FBXO34: variants seen among roughly 807,000 people sequenced by gnomAD.
FBXO34 encodes F-box protein 34.
FBXO34 carries 12 observed loss-of-function variants against 24.5 expected under a neutral mutation model. The observed-to-expected ratio is 0.49, with a 90% CI of 0.31 to 0.79. FBXO34 has a LOEUF of 0.79. FBXO34 is among the 30% of genes least tolerant of loss of function. FBXO34 has a pLI of 0.04. For synonymous variants in FBXO34, 320 were observed against 311.9 expected (o/e 1.03, Z -0.27); for missense variants, 823 against 857.7 (o/e 0.96, Z 0.51).
the FBXO34 span, chr14:55,385,995 T>C: frequency 6.2e-7 from 1 of 1,614,206 alleles, no homozygotes; most frequent in Non-Finnish European, 8.5e-7. Context: ...TCACCAAGTT[T>C]GCGATTATGC....
At chr14:55,363,827 C>T (rs1304953733), downstream of FBXO34, among the ~76,000 whole-genome samples, 1 of 151,652 alleles carries the variant, frequency 6.6e-6, no homozygotes, top group East Asian at 1.9e-4. Context: ...TCCAATGTGG[C>T]CCACAGAAGC....
At chr14:55,434,789 C>T in the FBXO34 span, among the ~76,000 whole-genome samples, 2 of 152,162 alleles carry the variant, frequency 1.3e-5, no homozygotes, top group Non-Finnish European at 2.9e-5. Flanking sequence ...ACTAGGGCAA[C>T]AGCAAAAACA....
chr14:55,350,438 G>A lies in FBXO34; in HGVS notation c.48G>A (p.Pro16=), dbSNP rs140058240. Reference sequence around the variant, plus strand: ...AGCTCCAGAAGAAAGAGCACCCCCCGGAAGTCAGCAGGGAAACGCAGAGAA... The same window carrying A: ...AGCTCCAGAAGAAAGAGCACCCCCCAGAAGTCAGCAGGGAAACGCAGAGAA... ...YWKLQKKEHP[P]EVSRETQRTP... The change falls in exon 2 of 2, where the codon CCG becomes CCA. Residue 16 remains proline, a synonymous_variant. Transcript: ENST00000313833. The A allele has an allele frequency of 1.3e-4, 210 of 1,607,542 alleles. No individual in the cohort carries two copies. In the African/African-American group the frequency reaches 2.5e-3, roughly 19 times the overall value.
intron 1 of FBXO34, among the ~76,000 whole-genome samples, chr14:55,319,635 A>T (rs1883057784): frequency 6.6e-6 from 1 of 152,142 alleles, no homozygotes; most frequent in Non-Finnish European, 1.5e-5. Flanking sequence ...GATTGTATGC[A>T]CAGGACCAAC....
chr14:55,414,279 T>C, the FBXO34 span: 206 of 912,062 alleles, frequency 2.3e-4, 1 homozygote, highest in Middle Eastern at 1.6e-3. Context: ...AGTAACGTAC[T>C]TGTAACATCT....
intron 1 of FBXO34, among the ~76,000 whole-genome samples, chr14:55,317,365 A>G (rs1882967786): frequency 6.6e-6 from 1 of 152,204 alleles, no homozygotes; most frequent in Non-Finnish European, 1.5e-5. Flanking sequence ...CTGTGGTCCC[A>G]GCTACTTGAG....
intron 1 of FBXO34, among the ~76,000 whole-genome samples, chr14:55,312,855 G>T (rs2139750591): frequency 6.6e-6 from 1 of 152,352 alleles, no homozygotes; most frequent in South Asian, 2.1e-4. Flanking sequence ...GTGATGGGAT[G>T]GGGCTGCTGT....
chr14:55,343,312 C>T lies in FBXO34; in HGVS notation c.-10-7069C>T, dbSNP rs147980935. ...GTCGCCCAGAACTAGAGTGCAGTGA[C>T]GTGGCCTCAGCTCACTGCAACCTCT... On this transcript the variant is annotated intron_variant, in intron 1 of 1. Transcript: ENST00000313833. 6.7e-4 allele frequency among the ~76,000 whole-genome samples: 99 copies of T among 147,924 alleles called. No individual in the cohort carries two copies. In the East Asian group the frequency reaches 0.015, roughly 22 times the overall value.
intron 1 of FBXO34, among the ~76,000 whole-genome samples, chr14:55,288,243 C>T (rs1386688294): frequency 6.6e-6 from 1 of 151,912 alleles, no homozygotes; most frequent in Non-Finnish European, 1.5e-5. Flanking sequence ...CAAGGTTTTC[C>T]AAAAGGAAAA....
chr14:55,430,133 C>T, the FBXO34 span, among the ~76,000 whole-genome samples: 1 of 152,066 alleles, frequency 6.6e-6, no homozygotes, highest in African/African-American at 2.4e-5. Context: ...AGGTATTTTT[C>T]AACTGTTAGT....
chr14:55,332,195 A>G (rs938731735), intron 1 of FBXO34, among the ~76,000 whole-genome samples: 17 of 151,272 alleles, frequency 1.1e-4, no homozygotes, highest in African/African-American at 1.9e-4. Flanking sequence ...TCTGGCTTTC[A>G]TTTTCATTCA....
rs1038182204 is a variant in FBXO34 at position 55,299,021 on chromosome 14, G to C, written c.-11+27484G>C. The stretch of plus-strand genomic sequence containing the variant: ...AGTTAATGCAGGACATTGCTGACCA[G>C]CAAGAACTTGGGGAGGAGATTTCAA... On this transcript the variant is annotated intron_variant, in intron 1 of 1. Coordinates refer to ENST00000313833, the MANE Select transcript of FBXO34 (RefSeq NM_017943.4). The C allele has an allele frequency of 3.7e-6, 6 of 1,608,306 alleles. No individual in the cohort carries two copies. In the African/African-American group the frequency reaches 6.7e-5, roughly 18 times the overall value.
chr14:55,416,790 G>A, the FBXO34 span, among the ~76,000 whole-genome samples: 2 of 152,178 alleles, frequency 1.3e-5, no homozygotes, highest in South Asian at 4.1e-4. Context: ...AATAGGTACA[G>A]CAAACACACA....
intron 1 of FBXO34, among the ~76,000 whole-genome samples, chr14:55,330,904 C>T (rs1883511474): frequency 6.6e-6 from 1 of 152,180 alleles, no homozygotes; most frequent in African/African-American, 2.4e-5. Context: ...ATAACCTTTT[C>T]TATGGATGGA....
At chr14:55,426,535 G>A in the FBXO34 span, among the ~76,000 whole-genome samples, 1 of 152,124 alleles carries the variant, frequency 6.6e-6, no homozygotes, top group Non-Finnish European at 1.5e-5. Context: ...GAGGCCTCAT[G>A]TTAAAAATTC....
At chr14:55,299,171 A>G in intron 1 of FBXO34, 1 of 1,045,062 alleles carries the variant, frequency 9.6e-7, no homozygotes, top group East Asian at 2.4e-5. Context: ...GCCCCGAAAC[A>G]GTCCCTCTAC....
chr14:55,381,067 C>T, the FBXO34 span, among the ~76,000 whole-genome samples: 2 of 151,948 alleles, frequency 1.3e-5, no homozygotes, highest in Non-Finnish European at 2.9e-5. Flanking sequence ...ATCCCTTCCT[C>T]TGTACCCCAT....
intron 1 of FBXO34, among the ~76,000 whole-genome samples, chr14:55,340,142 C>A (rs192862489): frequency 6.6e-6 from 1 of 152,198 alleles, no homozygotes; most frequent in Admixed American, 6.5e-5. Flanking sequence ...CCTTCCACCT[C>A]AGCCTCCCAA....
the FBXO34 span, among the ~76,000 whole-genome samples, chr14:55,399,817 G>A: frequency 2.0e-5 from 3 of 152,228 alleles, no homozygotes; most frequent in African/African-American, 7.2e-5. Flanking sequence ...TTTGAGGTCT[G>A]TTGTAAAAAT....
Sources: allele counts gnomAD v4.1 joint callset (sites outside exome capture counted in the v4.1 genomes callset), GRCh38; gene constraint gnomAD v4.1.1; transcripts MANE v1.5; gene names NCBI Gene and HGNC (gene_info 2026-07-23, HGNC 2026-07-21).